The following KIF27 variants were observed in gnomAD, a reference collection of about 807,000 sequenced individuals.
KIF27 encodes the protein kinesin-like protein KIF27.
Under a neutral mutation model 141.8 loss-of-function variants are expected in KIF27, and 84 were observed. The ratio of observed to expected loss-of-function variants is 0.59; its 90% CI spans 0.50 to 0.71. The LOEUF is 0.71. Ranked by LOEUF, KIF27 falls within the 30% of genes least tolerant of loss-of-function variation. KIF27 has a pLI of 0.00. For synonymous variants in KIF27, 471 were observed against 569.5 expected, an observed-to-expected ratio of 0.83 and a Z score of 2.46; for missense variants, 1,306 against 1,628.4, an observed-to-expected ratio of 0.80 and a Z score of 3.41.
intron 14 of KIF27, among the ~76,000 whole-genome samples, chr9:83,854,728 C>A (rs919070685): frequency 1.3e-5 from 2 of 152,126 alleles, no homozygotes; most frequent in Non-Finnish European, 2.9e-5. Flanking sequence ...TATCCAAATA[C>A]ATGTTATGTT....
chr9:83,839,041 C>T (rs59474223), intron 17 of KIF27, among the ~76,000 whole-genome samples: 20,248 of 151,914 alleles, frequency 0.13, 1,436 homozygotes, highest in African/African-American at 0.14. Context: ...ATGCCTGTAG[C>T]CCCAGCTACT....
At chr9:83,918,219 G>A (rs1419530084) in intron 1 of KIF27, among the ~76,000 whole-genome samples, 1 of 150,744 alleles carries the variant, frequency 6.6e-6, no homozygotes, top group Non-Finnish European at 1.5e-5. Flanking sequence ...AGGTTACAGT[G>A]AGCTGTATCT....
chr9:83,848,457 T>G (rs1414873579), intron 16 of KIF27, among the ~76,000 whole-genome samples: 2 of 143,210 alleles, frequency 1.4e-5, no homozygotes, highest in Non-Finnish European at 3.0e-5. Flanking sequence ...TATGTATATA[T>G]CTATATCTAT....
At chr9:83,906,985 T>C (rs1427478104) in intron 3 of KIF27, among the ~76,000 whole-genome samples, 1 of 151,712 alleles carries the variant, frequency 6.6e-6, no homozygotes, top group African/African-American at 2.4e-5. Flanking sequence ...GGGTTGCAAG[T>C]ATACATTTTT....
At chr9:83,891,185 A>G in intron 6 of KIF27, 110 bp downstream of exon 6, 1 of 818,604 alleles carries the variant, frequency 1.2e-6, no homozygotes, top group Non-Finnish European at 1.9e-6. Context: ...ACAAAATTCC[A>G]TAAAATCAAA....
At chr9:83,848,956 G>T (rs1476659586) in intron 16 of KIF27, 3 of 152,134 alleles carry the variant, frequency 2.0e-5, no homozygotes, top group Non-Finnish European at 1.5e-5. Flanking sequence ...GGGACTACAG[G>T]TGTGTGCCAC....
chr9:83,905,845 C>A (rs567886669), intron 3 of KIF27, among the ~76,000 whole-genome samples: 15 of 152,172 alleles, frequency 9.9e-5, no homozygotes, highest in East Asian at 1.9e-4. Context: ...GTGTGGCAGC[C>A]AGCATGGACA....
At chr9:83,877,828 A>C (rs1262288122) in intron 11 of KIF27, among the ~76,000 whole-genome samples, 3 of 152,206 alleles carry the variant, frequency 2.0e-5, no homozygotes, top group African/African-American at 7.2e-5. Context: ...GAACCAAATT[A>C]AAATGTGGAC....
At chr9:83,892,853 T>C (rs1227678736) in intron 5 of KIF27, among the ~76,000 whole-genome samples, 1 of 152,214 alleles carries the variant, frequency 6.6e-6, no homozygotes, top group Non-Finnish European at 1.5e-5. Flanking sequence ...GGTATAACAA[T>C]TCTACATTTG....
Position 83,850,994 on chromosome 9 carries a change from C to T in KIF27, c.3358-697G>A, listed in dbSNP as rs552354745. On this transcript the variant is annotated intron_variant, in intron 15 of 17. Coordinates refer to ENST00000297814, the MANE Select transcript of KIF27 (RefSeq NM_017576.4). ...CTGGGACTACAGGCGCCCGCCACCA[C>T]GCCCAGCTAATTTTTTGTATTTTAG... 1.2e-4 allele frequency among the ~76,000 whole-genome samples: 18 copies of T among 150,898 alleles called. 1 individual carries two copies. In the South Asian group the frequency reaches 2.5e-3, roughly 21 times the overall value.
At chr9:83,844,167 C>T (rs1450523385) in intron 16 of KIF27, among the ~76,000 whole-genome samples, 1 of 152,242 alleles carries the variant, frequency 6.6e-6, no homozygotes, top group South Asian at 2.1e-4. Flanking sequence ...TGGATGCTTC[C>T]TGTCCTCGAA....
chr9:83,882,989 A>G (rs2132238780), intron 10 of KIF27, among the ~76,000 whole-genome samples: 1 of 152,242 alleles, frequency 6.6e-6, no homozygotes, highest in Non-Finnish European at 1.5e-5. Flanking sequence ...ACCAGAATAT[A>G]CTGGTATATT....
At chr9:83,884,074 T>C (rs2132254626) in intron 9 of KIF27, 56 bp from the exon 10 acceptor site, 1 of 1,249,274 alleles carries the variant, frequency 8.0e-7, no homozygotes, top group Admixed American at 2.3e-5. Context: ...AAGTTAAACA[T>C]CCAAAACATA....
intron 1 of KIF27, among the ~76,000 whole-genome samples, chr9:83,919,816 GAAAAC>G (rs1323488686): frequency 6.6e-6 from 1 of 152,094 alleles, no homozygotes. Flanking sequence ...GATCCCTCCT[GAAAAC>G]AAAACAAAAC....
chr9:83,920,630 T>C (rs1022013972), intron 1 of KIF27, among the ~76,000 whole-genome samples: 1 of 152,004 alleles, frequency 6.6e-6, no homozygotes, highest in Non-Finnish European at 1.5e-5. Flanking sequence ...CATACGGAGC[T>C]CAGAAAAGGC....
intron 17 of KIF27, among the ~76,000 whole-genome samples, chr9:83,842,021 C>T (rs1181354822): frequency 6.6e-6 from 1 of 152,018 alleles, no homozygotes; most frequent in African/African-American, 2.4e-5. Flanking sequence ...ACATGGCAGA[C>T]AATCAATAAT....
At position 83,834,181 on chromosome 9, in the gene KIF27, A is replaced by T. The variant is rs1479054228; in HGVS notation, c.*2820T>A. Among the ~76,000 whole-genome samples, 1 of 152,192 alleles carries T rather than the reference A, an allele frequency of 6.6e-6. No individual in the cohort carries two copies. The highest frequency in any genetic ancestry group is 1.9e-4 in the East Asian group (1 of 5,206). Reference sequence around the variant, plus strand: ...AAAAAGAAAACCACAAACATTTTATATACATGCAAAAAGGCAATAAAGTGA... The same window carrying T: ...AAAAAGAAAACCACAAACATTTTATTTACATGCAAAAAGGCAATAAAGTGA... On this transcript the variant is annotated 3_prime_UTR_variant, in exon 18 of 18. Coordinates refer to ENST00000297814, the MANE Select transcript of KIF27 (RefSeq NM_017576.4).
At position 83,903,416 on chromosome 9, in the gene KIF27, C is replaced by G. The variant is rs764861313; in HGVS notation, c.1102G>C (p.Glu368Gln). 1.2e-6 allele frequency: 2 copies of G among 1,614,010 alleles called. No individual in the cohort carries two copies. Among genetic ancestry groups the G allele is most frequent in the South Asian group, 2.2e-5 (2 of 91,086 alleles). ...EMEFEIKLLR[E>Q]ALQSQQAGVS... ...CCAGCCTGCTGGCTTTGCAAAGCTT[C>G]TCGAAGCAATTTAATCTCAAATTCC... is the stretch of plus-strand genomic sequence containing the variant. The change falls in exon 4 of 18, where the codon GAA (glutamate) becomes CAA (glutamine). Residue 368 changes from glutamate (E) to glutamine (Q), a missense_variant. By Grantham distance (29) the Glu-to-Gln change is conservative (BLOSUM62 2). Transcript: ENST00000297814.
Position 83,867,254 on chromosome 9 carries a change from T to G in KIF27, c.2934+430A>C, listed in dbSNP as rs550283306. ...CACAGTTTATCCATTCATCACTTGATGAACATTTGTGTTGTTTTCAGTTTT... is the reference window on the plus strand; with the variant it reads ...CACAGTTTATCCATTCATCACTTGAGGAACATTTGTGTTGTTTTCAGTTTT... On this transcript the variant is annotated intron_variant, in intron 13 of 17. Coordinates refer to ENST00000297814, the MANE Select transcript of KIF27 (RefSeq NM_017576.4). Among the ~76,000 whole-genome samples the G allele has an allele frequency of 2.0e-5, 3 of 152,330 alleles. No individual in the cohort carries two copies. The East Asian group carries it at 5.8e-4, about 29-fold the overall frequency.
Sources: allele counts gnomAD v4.1 joint callset (sites outside exome capture counted in the v4.1 genomes callset), GRCh38; gene constraint gnomAD v4.1.1; transcripts MANE v1.5; gene names NCBI Gene and HGNC (gene_info 2026-07-23, HGNC 2026-07-21).